PTGES3: variants seen among roughly 807,000 people sequenced by gnomAD.
PTGES3 encodes the protein Hsp90 co-chaperone.
PTGES3 carries 5 observed loss-of-function variants against 29.9 expected under a neutral mutation model. That is an observed-to-expected ratio of 0.17 (90% CI 0.09 to 0.35). The LOEUF is 0.35. Ranked by LOEUF, PTGES3 falls within the 10% of genes least tolerant of loss-of-function variation. PTGES3 has a pLI of 1.00. For synonymous variants in PTGES3, 49 were observed against 57.8 expected (o/e 0.85, Z 0.69); for missense variants, 128 against 190.0 (o/e 0.67, Z 1.92).
chr12:56,668,412 A>G (rs1042977801), intron 5 of PTGES3, among the ~76,000 whole-genome samples: 2 of 152,210 alleles, frequency 1.3e-5, no homozygotes, highest in Admixed American at 6.5e-5. Flanking sequence ...GACAACAAAG[A>G]TAGCAAAATA....
At chr12:56,684,436 G>C (rs966760715) in intron 1 of PTGES3, among the ~76,000 whole-genome samples, 1 of 152,158 alleles carries the variant, frequency 6.6e-6, no homozygotes, top group Non-Finnish European at 1.5e-5. Flanking sequence ...TCAAGTTATA[G>C]CAATTAACAA....
intron 5 of PTGES3, among the ~76,000 whole-genome samples, chr12:56,669,190 TATTTA>T (rs1316411670): frequency 6.6e-6 from 1 of 151,782 alleles, no homozygotes; most frequent in Non-Finnish European, 1.5e-5. Context: ...TTTGTAGTTT[TATTTA>T]ATTATTTATT....
intron 1 of PTGES3, chr12:56,686,859 T>G: frequency 2.6e-6 from 1 of 381,514 alleles, no homozygotes. Context: ...ATCAAGCAAA[T>G]CCTTATTACT....
intron 1 of PTGES3, among the ~76,000 whole-genome samples, chr12:56,676,881 A>G (rs1247549813): frequency 7.8e-6 from 1 of 128,870 alleles, no homozygotes; most frequent in Non-Finnish European, 1.6e-5. Flanking sequence ...AGATCGTGCC[A>G]CTGCACTGCA....
chr12:56,664,925 G>A, intron 6 of PTGES3, 125 bp from the exon 7 acceptor site: 2 of 1,435,384 alleles, frequency 1.4e-6, no homozygotes, highest in Non-Finnish European at 1.8e-6. Flanking sequence ...GTCATATCAA[G>A]CCTAGAAATT....
intron 6 of PTGES3, chr12:56,665,197 G>T: frequency 2.0e-6 from 2 of 985,192 alleles, no homozygotes; most frequent in Non-Finnish European, 2.4e-6. Context: ...ATAACTTTCT[G>T]GGAGATGTTA....
In PTGES3 at chr12:56,676,920, CAAAAAAAAAAAA is replaced by C. The variant is rs34739170; in HGVS notation, c.3-3867_3-3856del. On this transcript the variant is annotated intron_variant, in intron 1 of 7. Coordinates refer to ENST00000262033, the MANE Select transcript of PTGES3 (RefSeq NM_006601.7). ...TGGGTGAGAGAGTGAGATTCCGACT[CAAAAAAAAAAAA>C]AAAAAAAAAAAAAATAGTGCTGGCT... Among the ~76,000 whole-genome samples the C allele has an allele frequency of 5.5e-3, 280 of 50,546 alleles. 2 individuals are homozygous for C. Among genetic ancestry groups the C allele is most frequent in the South Asian group, 0.02 (16 of 816 alleles). The allele number at this position is 50,546 out of a possible 152,430, so 33.2% of individuals were successfully genotyped here. A position where few individuals can be genotyped will look rare whatever the true frequency, so the allele number is the denominator to read the frequency against.
At chr12:56,680,399 T>TTG (rs1555220723) in intron 1 of PTGES3, among the ~76,000 whole-genome samples, 1 of 150,132 alleles carries the variant, frequency 6.7e-6, no homozygotes, top group Non-Finnish European at 1.5e-5. Context: ...TTTTTTTTTT[T>TTG]GGGGGGACAG....
In PTGES3 at chr12:56,681,327, A is replaced by C. The variant is rs1297595620; in HGVS notation, c.2+6671T>G. Reference sequence around the variant, plus strand: ...GCCGAGGAGGGCGGATCACGAGGTCAGGAGATCCAGACCTTCCTGGCTAAC... The same window carrying C: ...GCCGAGGAGGGCGGATCACGAGGTCCGGAGATCCAGACCTTCCTGGCTAAC... On this transcript the variant is annotated intron_variant, in intron 1 of 7. Transcript: ENST00000262033. Among the ~76,000 whole-genome samples the C allele has an allele frequency of 2.7e-5, 4 of 150,182 alleles. No homozygotes were observed. In the East Asian group the frequency reaches 8.0e-4, roughly 30 times the overall value.
chr12:56,687,207 T>A, intron 1 of PTGES3: 1 of 1,056,694 alleles, frequency 9.5e-7, no homozygotes, highest in Non-Finnish European at 1.1e-6. Context: ...GCCTACTACA[T>A]ACCTATTTCA....
intron 1 of PTGES3, among the ~76,000 whole-genome samples, chr12:56,678,182 T>A (rs990094118): frequency 1.3e-5 from 2 of 152,180 alleles, no homozygotes; most frequent in African/African-American, 4.8e-5. Flanking sequence ...ATTTTTAATT[T>A]ATTTATTATT....
intron 1 of PTGES3, among the ~76,000 whole-genome samples, chr12:56,681,171 C>T (rs1192253392): frequency 6.6e-6 from 1 of 152,086 alleles, no homozygotes; most frequent in Admixed American, 6.6e-5. Flanking sequence ...AACCCCAATC[C>T]TATTTCAGAC....
In PTGES3 at chr12:56,687,980, G is replaced by C. The variant is rs753262813; in HGVS notation, c.2+18C>G. ...GGCCTCACTCGGCGACCTTCCCTCG[G>C]CGGGGTGTCGCACTCACATTGTGAA... On this transcript the variant is annotated intron_variant, in intron 1 of 7. Transcript: ENST00000262033. The C allele has an allele frequency of 7.5e-6, 12 of 1,600,548 alleles. No individual in the cohort carries two copies. The highest frequency in any genetic ancestry group is 1.7e-4 in the Middle Eastern group (1 of 6,010).
chr12:56,671,353 C>G (rs1440086228), intron 4 of PTGES3, among the ~76,000 whole-genome samples: 1 of 152,046 alleles, frequency 6.6e-6, no homozygotes, highest in African/African-American at 2.4e-5. Context: ...GAGCCAAGAT[C>G]GTGCCACTGC....
chr12:56,681,365 C>T (rs1046321831), intron 1 of PTGES3, among the ~76,000 whole-genome samples: 3 of 151,204 alleles, frequency 2.0e-5, no homozygotes, highest in African/African-American at 7.3e-5. Flanking sequence ...AGTGAAACCC[C>T]GTCTCTACTA....
intron 1 of PTGES3, 60 bp downstream of exon 1, chr12:56,687,938 G>A (rs1592295373): frequency 1.9e-6 from 3 of 1,603,620 alleles, no homozygotes; most frequent in South Asian, 1.1e-5. Context: ...CTTCCAGGGA[G>A]CCCCCAACGC....
At chr12:56,683,955 C>A (rs2137724302) in intron 1 of PTGES3, among the ~76,000 whole-genome samples, 1 of 101,870 alleles carries the variant, frequency 9.8e-6, no homozygotes, top group South Asian at 4.2e-4. Context: ...GAAACTCCGT[C>A]TCAAAAAAAA....
chr12:56,677,986 G>A (rs143999261), intron 1 of PTGES3, among the ~76,000 whole-genome samples: 2,043 of 152,264 alleles, frequency 0.013, 28 homozygotes, highest in Non-Finnish European at 0.024. Flanking sequence ...GCTGATTACA[G>A]AAGATCTCAA....
At position 56,666,282 on chromosome 12, in the gene PTGES3, A is replaced by T; in HGVS notation, c.376-16T>A. On this transcript the variant is annotated splice_polypyrimidine_tract_variant and intron_variant, in intron 5 of 7. Coordinates refer to ENST00000262033, the MANE Select transcript of PTGES3 (RefSeq NM_006601.7). ...TGTTCATCATCTATTTGAAGTGTAAAAATTAGTTTTAAAAATGATGTTAAG... is the reference window on the plus strand; with the variant it reads ...TGTTCATCATCTATTTGAAGTGTAATAATTAGTTTTAAAAATGATGTTAAG... 1.0e-5 allele frequency: 16 copies of T among 1,598,268 alleles called. No homozygotes were observed. The highest frequency in any genetic ancestry group is 1.3e-5 in the Non-Finnish European group (15 of 1,169,878).
Sources: allele counts gnomAD v4.1 joint callset (sites outside exome capture counted in the v4.1 genomes callset), GRCh38; gene constraint gnomAD v4.1.1; transcripts MANE v1.5; gene names NCBI Gene and HGNC (gene_info 2026-07-23, HGNC 2026-07-21).